The following SEC31B variants were observed in gnomAD, a reference collection of about 807,000 sequenced individuals.
The protein encoded by SEC31B is SEC31 homolog B, COPII component.
SEC31B carries 113 observed loss-of-function variants against 135.0 expected under a neutral mutation model. The ratio of observed to expected loss-of-function variants is 0.84; its 90% confidence interval spans 0.72 to 0.98. The LOEUF (loss-of-function observed/expected upper bound fraction) is 0.98, where lower values mean the gene tolerates loss of function less well. Among genes scored for constraint, SEC31B ranks in the 50% least tolerant of loss-of-function variants. The pLI, the probability that SEC31B is intolerant of heterozygous loss-of-function variation, is 0.00. For missense variants in SEC31B, 1,296 were observed against 1,421.1 expected (o/e 0.91, Z 1.42); for synonymous variants, 508 against 549.4 (o/e 0.92, Z 1.05).
intron 19 of SEC31B, among the ~76,000 whole-genome samples, chr10:100,493,626 T>C (rs568910401): frequency 1.3e-5 from 2 of 152,296 alleles, no homozygotes; most frequent in African/African-American, 4.8e-5. Flanking sequence ...AGTGCAGCTA[T>C]AAAAGAGGTA....
At chr10:100,491,070 A>G (rs1347028425) in intron 19 of SEC31B, among the ~76,000 whole-genome samples, 187 bp from the exon 20 acceptor site, 1 of 152,228 alleles carries the variant, frequency 6.6e-6, no homozygotes, top group Non-Finnish European at 1.5e-5. Flanking sequence ...ATCATCAGAG[A>G]TGAAACAGGG....
Position 100,489,358 on chromosome 10 carries a change from G to A in SEC31B, c.3065C>T (p.Pro1022Leu), listed in dbSNP as rs1041575884. The change falls in exon 23 of 26, where the codon CCA becomes CTA. Residue 1022 changes from proline (P) to leucine (L), a missense_variant. Coordinates refer to ENST00000370345, the MANE Select transcript of SEC31B (RefSeq NM_015490.4). ...TAGCTCAGGGGTGAGGCTCATAACT[G>A]GAGCAGTAATTGGTGCTGGGGGCAT... is the stretch of plus-strand genomic sequence containing the variant. ...TFMPPAPITA[P>L]VMSLTPELQG... The A allele has an allele frequency of 1.2e-6, 2 of 1,613,880 alleles. No individual in the cohort carries two copies. The highest frequency in any genetic ancestry group is 1.7e-5 in the Admixed American group (1 of 59,972).
At chr10:100,509,635 C>T in intron 3 of SEC31B, 124 bp from the exon 4 acceptor site, 1 of 695,192 alleles carries the variant, frequency 1.4e-6, no homozygotes, top group South Asian at 2.1e-5. Context: ...ACTTGCCTGT[C>T]TCCTTCATTT....
intron 7 of SEC31B, 30 bp downstream of exon 7, chr10:100,507,395 C>T: frequency 6.2e-7 from 1 of 1,613,984 alleles, no homozygotes; most frequent in Non-Finnish European, 8.5e-7. Context: ...ACCATCCCCC[C>T]AAGGATATGG....
rs190290125 is a variant in SEC31B at position 100,508,614 on chromosome 10, C to A, written c.495+393G>T. 114 of 424,976 alleles carry A rather than the reference C, an allele frequency of 2.7e-4. 1 individual carries two copies. In the East Asian group the frequency reaches 2.9e-3, roughly 11 times the overall value. The allele number at this position is 424,976 out of a possible 1,614,324, so 26.3% of individuals were successfully genotyped here. A position where few individuals can be genotyped will look rare whatever the true frequency, so the allele number is the denominator to read the frequency against. On this transcript the variant is annotated intron_variant, in intron 5 of 25. Coordinates refer to ENST00000370345, the MANE Select transcript of SEC31B (RefSeq NM_015490.4). ...ACAGGGAGAACAAAGCTGACCCCCC[C>A]CTCCATAAAAAGGACAATGGTATGT... is the stretch of plus-strand genomic sequence containing the variant.
At chr10:100,501,966 C>T (rs1451786001) in intron 11 of SEC31B, among the ~76,000 whole-genome samples, 1 of 152,198 alleles carries the variant, frequency 6.6e-6, no homozygotes, top group Non-Finnish European at 1.5e-5. Context: ...AGGTCTTTGC[C>T]TTGGCCCTGG....
intron 12 of SEC31B, 76 bp from the exon 13 acceptor site, chr10:100,499,334 A>G: frequency 1.6e-6 from 2 of 1,233,348 alleles, no homozygotes; most frequent in South Asian, 1.3e-5. Context: ...TCCTATCTCC[A>G]TACCCCACCA....
chr10:100,519,351 C>T (rs1851907715), intron 1 of SEC31B, among the ~76,000 whole-genome samples: 1 of 152,258 alleles, frequency 6.6e-6, no homozygotes, highest in African/African-American at 2.4e-5. Flanking sequence ...AGGAGGGCAC[C>T]AGCTACCCTT....
At position 100,497,303 on chromosome 10, in the gene SEC31B, T is replaced by C. The variant is rs758730659; in HGVS notation, c.1991-23A>G. The C allele has an allele frequency of 6.2e-6, 10 of 1,609,852 alleles. No homozygotes were observed. The East Asian group carries it at 1.6e-4, about 25-fold the overall frequency. On this transcript the variant is annotated intron_variant, in intron 16 of 25. Transcript: ENST00000370345. The stretch of plus-strand genomic sequence containing the variant: ...TGTCTGCAGAGAGAGGGTAATTTCA[T>C]TAATGGCACAGCTGCCCTGTGTGCC...
At chr10:100,504,488 A>G (rs932204863) in intron 10 of SEC31B, among the ~76,000 whole-genome samples, 9 of 152,152 alleles carry the variant, frequency 5.9e-5, no homozygotes, top group African/African-American at 2.2e-4. Flanking sequence ...AACTCAATGA[A>G]CCAGTTTCTG....
At chr10:100,503,333 C>A (rs886602842) in intron 10 of SEC31B, among the ~76,000 whole-genome samples, 4 of 152,134 alleles carry the variant, frequency 2.6e-5, no homozygotes, top group Non-Finnish European at 5.9e-5. Context: ...ACTTGCCAGG[C>A]CACACCCCAG....
chr10:100,498,631 T>C lies in SEC31B; in HGVS notation c.1684+74A>G, dbSNP rs1309769462. On this transcript the variant is annotated intron_variant, in intron 14 of 25. Transcript: ENST00000370345. Reference sequence around the variant, plus strand: ...CACGAGGCAGGGGACAAGAAGGGAATGTCTCAAGTCCAAAACCTCCGTGCC... The same window carrying C: ...CACGAGGCAGGGGACAAGAAGGGAACGTCTCAAGTCCAAAACCTCCGTGCC... 8.6e-6 allele frequency: 9 copies of C among 1,045,510 alleles called. No individual in the cohort carries two copies. The African/African-American group carries it at 1.1e-4, about 13-fold the overall frequency. 64.8% of individuals were successfully genotyped at this position (1,045,510 alleles called of 1,614,324 possible). A position where few individuals can be genotyped will look rare whatever the true frequency, so the allele number is the denominator to read the frequency against.
At chr10:100,494,196 GC>G (rs896778845) in intron 19 of SEC31B, among the ~76,000 whole-genome samples, 10 of 151,994 alleles carry the variant, frequency 6.6e-5, no homozygotes, top group African/African-American at 2.4e-4. Context: ...GGGCACTTTG[GC>G]CAGAACCTCT....
intron 19 of SEC31B, among the ~76,000 whole-genome samples, chr10:100,491,753 T>TG (rs1235977861): frequency 6.6e-6 from 1 of 152,244 alleles, no homozygotes; most frequent in Admixed American, 6.5e-5. Context: ...AGTCATGTGT[T>TG]GAAAACTGAA....
chr10:100,498,257 T>G (rs773315580), intron 14 of SEC31B, 50 bp from the exon 15 acceptor site: 2 of 1,590,086 alleles, frequency 1.3e-6, no homozygotes, highest in Admixed American at 3.4e-5. Context: ...AACCCCAACT[T>G]CCTGCCCCCT....
Position 100,487,384 on chromosome 10 carries a change from A to C in SEC31B, c.*232T>G, listed in dbSNP as rs573968677. 10 of 550,002 alleles carry C rather than the reference A, an allele frequency of 1.8e-5. No homozygotes were observed. The South Asian group carries it at 1.9e-4, about 11-fold the overall frequency. 34.1% of individuals were successfully genotyped at this position (550,002 alleles called of 1,614,324 possible). A position where few individuals can be genotyped will look rare whatever the true frequency, so the allele number is the denominator to read the frequency against. ...TTAGGGAGAGTGAAGAACTGATTCT[A>C]TGCCCTGCCTCCAGGCCTGAGAGTG... On this transcript the variant is annotated 3_prime_UTR_variant, in exon 26 of 26. Coordinates refer to ENST00000370345, the MANE Select transcript of SEC31B (RefSeq NM_015490.4).
Position 100,497,093 on chromosome 10 carries a change from G to T in SEC31B, c.2136+42C>A, listed in dbSNP as rs528643217. The T allele has an allele frequency of 6.4e-5, 103 of 1,602,018 alleles. No individual in the cohort carries two copies. The South Asian group carries it at 1.1e-3, about 17-fold the overall frequency. On this transcript the variant is annotated intron_variant, in intron 17 of 25. Transcript: ENST00000370345. ...ACATCTCCACCACTAGCCTCCTAAG[G>T]GCCTGGTGTGGAGTGGCCAGTACCC...
In SEC31B at chr10:100,496,312, T is replaced by C. The variant is rs746005121; in HGVS notation, c.2256A>G (p.Ala752=). The change falls in exon 18 of 26, where the codon GCA becomes GCG. Residue 752 remains alanine, a synonymous_variant. Transcript: ENST00000370345. ...TGGCAGTGGCCAGGCTGCCCTGGGCTGCCAGGAGGTTGGCATACTGAGTGA... is the reference window on the plus strand; with the variant it reads ...TGGCAGTGGCCAGGCTGCCCTGGGCCGCCAGGAGGTTGGCATACTGAGTGA... ...YRVTQYANLL[A]AQGSLATAMS... The C allele has an allele frequency of 1.9e-6, 3 of 1,614,222 alleles. No homozygotes were observed. Among genetic ancestry groups the C allele is most frequent in the Non-Finnish European group, 2.5e-6 (3 of 1,180,032 alleles).
At chr10:100,495,110 G>C in intron 19 of SEC31B, 1 of 387,572 alleles carries the variant, frequency 2.6e-6, no homozygotes, top group Non-Finnish European at 4.9e-6. Flanking sequence ...ACAGGCGTGA[G>C]CCACCACGCC....
Sources: gnomAD v4.1 joint callset for allele counts (sites outside exome capture counted in the v4.1 genomes callset) on GRCh38, gnomAD v4.1.1 for gene constraint, MANE v1.5 for transcripts, NCBI Gene and HGNC (gene_info 2026-07-23, HGNC 2026-07-21) for gene names.